TCF4: variants seen among roughly 807,000 people sequenced by gnomAD.
TCF4 encodes transcription factor 4.
Under a neutral mutation model 82.1 loss-of-function variants are expected in TCF4, and 3 were observed. The ratio of observed to expected loss-of-function variants is 0.04; its 90% CI spans 0.02 to 0.09. The LOEUF is 0.09. TCF4 is among the 10% of genes least tolerant of loss of function. The pLI is 1.00. For synonymous variants in TCF4, 276 were observed against 309.6 expected (o/e 0.89, Z 1.14); for missense variants, 518 against 852.7 (o/e 0.61, Z 4.89).
At chr18:55,427,774 C>T (rs1455407043) in intron 5 of TCF4, among the ~76,000 whole-genome samples, 1 of 152,072 alleles carries the variant, frequency 6.6e-6, no homozygotes, top group Non-Finnish European at 1.5e-5. Context: ...TAAAATAGTA[C>T]CTGCTATTTG....
chr18:55,591,873 T>C (rs1295847753), upstream of TCF4, among the ~76,000 whole-genome samples: 2 of 152,218 alleles, frequency 1.3e-5, no homozygotes, highest in Non-Finnish European at 2.9e-5. Context: ...AATGATAGGA[T>C]GAAGTTTGGG....
chr18:55,260,080 C>T, intron 12 of TCF4, 53 bp from the exon 13 acceptor site: 2 of 1,378,826 alleles, frequency 1.5e-6, no homozygotes, highest in Non-Finnish European at 2.1e-6. Context: ...AAATAATTCA[C>T]ACTTTTCTAA....
At chr18:55,303,414 C>T (rs1050719169) in intron 8 of TCF4, among the ~76,000 whole-genome samples, 1 of 152,110 alleles carries the variant, frequency 6.6e-6, no homozygotes, top group Non-Finnish European at 1.5e-5. Flanking sequence ...AAACTTTTGC[C>T]TTCGTGTCCC....
intron 6 of TCF4, among the ~76,000 whole-genome samples, chr18:55,386,013 T>C (rs1042868124): frequency 1.3e-5 from 2 of 152,208 alleles, no homozygotes; most frequent in African/African-American, 4.8e-5. Flanking sequence ...TCTGCATTCA[T>C]GACCAACAAG....
chr18:55,318,684 G>A (rs1261534375), intron 8 of TCF4, among the ~76,000 whole-genome samples: 2 of 151,990 alleles, frequency 1.3e-5, no homozygotes, highest in East Asian at 1.9e-4. Flanking sequence ...GTTGTTCACA[G>A]AAACAAGGAA....
chr18:55,414,699 A>G (rs557178600), intron 5 of TCF4, among the ~76,000 whole-genome samples: 316 of 152,094 alleles, frequency 2.1e-3, no homozygotes, highest in Middle Eastern at 3.4e-3. Flanking sequence ...AGAGGCTGAC[A>G]CTCTTCCTCT....
Position 55,374,377 on chromosome 18 carries a change from C to A in TCF4, c.370-23374G>T, listed in dbSNP as rs554255274. Among the ~76,000 whole-genome samples, 11 of 144,576 alleles carry A rather than the reference C, an allele frequency of 7.6e-5. No homozygotes were observed. The South Asian group carries it at 1.1e-3, about 15-fold the overall frequency. The allele number at this position is 144,576 out of a possible 152,430, so 94.8% of individuals were successfully genotyped here. A position where few individuals can be genotyped will look rare whatever the true frequency, so the allele number is the denominator to read the frequency against. On this transcript the variant is annotated intron_variant, in intron 6 of 19. Coordinates refer to ENST00000354452, the MANE Select transcript of TCF4 (RefSeq NM_001083962.2). Reference sequence around the variant, plus strand: ...AAAAAAACCAAAGAAAACACACAAACCTCTGGCAAGTGTAAGGAAAAACAA... The same window carrying A: ...AAAAAAACCAAAGAAAACACACAAAACTCTGGCAAGTGTAAGGAAAAACAA...
chr18:55,256,709 C>T (rs1230724048), intron 14 of TCF4, among the ~76,000 whole-genome samples: 2 of 152,152 alleles, frequency 1.3e-5, no homozygotes, highest in African/African-American at 4.8e-5. Context: ...AGCCTAAATG[C>T]TGCACAACCA....
chr18:55,268,139 GAA>G lies in TCF4; in HGVS notation c.922+1690_922+1691del, dbSNP rs571939276. On this transcript the variant is annotated intron_variant, in intron 11 of 19. Coordinates refer to ENST00000354452, the MANE Select transcript of TCF4 (RefSeq NM_001083962.2). ...AGAGGACTGTTTTGCAAATCAATCAGAAAAAGTTTTTTTTCAAACAGAGCCTA... is the reference window on the plus strand; with the variant it reads ...AGAGGACTGTTTTGCAAATCAATCAGAAAGTTTTTTTTCAAACAGAGCCTA... 1.6e-4 allele frequency: 24 copies of G among 152,132 alleles called. 1 individual carries two copies. The highest frequency in any genetic ancestry group is 5.3e-4 in the African/African-American group (22 of 41,532). 9.4% of individuals were successfully genotyped at this position (152,132 alleles called of 1,614,324 possible). A position where few individuals can be genotyped will look rare whatever the true frequency, so the allele number is the denominator to read the frequency against.
chr18:55,454,388 T>C (rs2144522679), intron 5 of TCF4, among the ~76,000 whole-genome samples: 1 of 152,242 alleles, frequency 6.6e-6, no homozygotes, highest in Middle Eastern at 3.4e-3. Context: ...AACTTTAATG[T>C]ATGGGCTTTT....
intron 8 of TCF4, among the ~76,000 whole-genome samples, chr18:55,339,363 C>T (rs1391587172): frequency 1.3e-5 from 2 of 152,126 alleles, no homozygotes; most frequent in Non-Finnish European, 2.9e-5. Context: ...CCACTGCCAA[C>T]GTGTACTTGC....
At chr18:55,510,616 A>G (rs2096817008) in intron 3 of TCF4, 2 of 1,517,434 alleles carry the variant, frequency 1.3e-6, no homozygotes, top group Non-Finnish European at 1.8e-6. Context: ...GAAGTAATAA[A>G]TTCCCCCAAT....
chr18:55,281,193 T>C (rs932482297), intron 8 of TCF4, among the ~76,000 whole-genome samples: 5 of 152,162 alleles, frequency 3.3e-5, no homozygotes, highest in Non-Finnish European at 7.4e-5. Flanking sequence ...CTTTTTTGAG[T>C]ATTTTTAAGA....
At chr18:55,581,943 G>A (rs2097579000) in intron 3 of TCF4, among the ~76,000 whole-genome samples, 1 of 152,092 alleles carries the variant, frequency 6.6e-6, no homozygotes, top group Non-Finnish European at 1.5e-5. Flanking sequence ...TAAACTAAGG[G>A]AGAAAGATGT....
intron 6 of TCF4, among the ~76,000 whole-genome samples, chr18:55,393,467 C>T (rs2093303728): frequency 6.6e-6 from 1 of 152,162 alleles, no homozygotes; most frequent in South Asian, 2.1e-4. Flanking sequence ...ATATTACTTC[C>T]TATTCTACCA....
chr18:55,446,938 A>T (rs574022399), intron 5 of TCF4, among the ~76,000 whole-genome samples: 2 of 148,902 alleles, frequency 1.3e-5, no homozygotes, highest in African/African-American at 2.5e-5. Context: ...GTGAGCGGAG[A>T]TCGCGCCACT....
At chr18:55,423,413 G>T (rs1188295644) in intron 5 of TCF4, 1 of 117,622 alleles carries the variant, frequency 8.5e-6, no homozygotes, top group Non-Finnish European at 1.7e-5. Context: ...CGCAGGAGAG[G>T]CACACGCGCG....
chr18:55,421,942 C>T (rs2094775299), intron 5 of TCF4, among the ~76,000 whole-genome samples: 1 of 152,030 alleles, frequency 6.6e-6, no homozygotes, highest in Admixed American at 6.6e-5. Context: ...GATATCTCTG[C>T]TCTGGGGTTT....
At chr18:55,393,346 A>G (rs1281042200) in intron 6 of TCF4, among the ~76,000 whole-genome samples, 1 of 152,194 alleles carries the variant, frequency 6.6e-6, no homozygotes, top group East Asian at 1.9e-4. Context: ...CCTGGGTGAT[A>G]GAGTGAGATC....
Sources: gnomAD v4.1 joint callset for allele counts (sites outside exome capture counted in the v4.1 genomes callset) on GRCh38, gnomAD v4.1.1 for gene constraint, MANE v1.5 for transcripts, NCBI Gene and HGNC (gene_info 2026-07-23, HGNC 2026-07-21) for gene names.